Variants in POTEF observed in about 807,000 individuals in gnomAD.
POTEF encodes the protein ANKRD26-like family C member 1B.
In POTEF, 20 loss-of-function variants were observed where a neutral mutation model predicts 83.2. The observed-to-expected ratio is 0.24, with a 90% confidence interval of 0.17 to 0.35. The LOEUF is 0.35. Among genes scored for constraint, POTEF ranks in the 10% least tolerant of loss-of-function variants. The probability of loss-of-function intolerance (pLI) is 1.00; values close to 1 mark genes in which losing one functional copy is unlikely to be tolerated. For missense variants in POTEF, 550 were observed against 1,203.2 expected, an observed-to-expected ratio of 0.46 and a Z score of 8.03; for synonymous variants, 196 against 446.4, an observed-to-expected ratio of 0.44 and a Z score of 7.07.
At chr2:130,110,725 C>T (rs541365721) in intron 6 of POTEF, 45 bp from the exon 7 acceptor site, 1 of 858,336 alleles carries the variant, frequency 1.2e-6, no homozygotes, top group East Asian at 3.2e-5. Flanking sequence ...ATTTTTAAAG[C>T]TAATTTGATA....
chr2:130,115,819 A>G (rs905469224), intron 3 of POTEF, among the ~76,000 whole-genome samples: 3 of 152,138 alleles, frequency 2.0e-5, no homozygotes, highest in Non-Finnish European at 1.5e-5. Flanking sequence ...AATTATACCT[A>G]CACTTTCAGG....
At position 130,114,980 on chromosome 2, in the gene POTEF, C is replaced by T; in HGVS notation, c.711G>A (p.Glu237=). ...CGTAGTGCAGAGTGGTATTTCCATACTCATCTGGAATATTTGGATCAGTGC... is the reference window on the plus strand; with the variant it reads ...CGTAGTGCAGAGTGGTATTTCCATATTCATCTGGAATATTTGGATCAGTGC... ...EHGTDPNIPD[E]YGNTTLHYAI... The change falls in exon 5 of 17, where the codon GAG becomes GAA. Residue 237 remains glutamate, a synonymous_variant. Coordinates refer to ENST00000409914, the MANE Select transcript of POTEF (RefSeq NM_001099771.2). 6.5e-7 allele frequency: 1 copy of T among 1,529,664 alleles called. No individual in the cohort carries two copies. The allele number at this position is 1,529,664 out of a possible 1,614,324, so 94.8% of individuals were successfully genotyped here.
intron 2 of POTEF, among the ~76,000 whole-genome samples, chr2:130,124,576 A>G (rs542810536): frequency 1.2e-3 from 168 of 143,418 alleles, no homozygotes; most frequent in Non-Finnish European, 1.8e-3. Flanking sequence ...CTTCATATCC[A>G]CAATTTTCTT....
intron 11 of POTEF, among the ~76,000 whole-genome samples, chr2:130,097,091 T>A: frequency 8.6e-6 from 1 of 116,076 alleles, no homozygotes; most frequent in African/African-American, 4.0e-5. Context: ...CTTGAGGGAG[T>A]GAGGACCTGA....
chr2:130,075,281 A>G lies in POTEF; in HGVS notation c.2191T>C (p.Phe731Leu). ...FAGDDAPRAV[F>L]PSIVGRPRQQ... ...CTGGGGCGCCCCACGATGGAAGGGA[A>G]GACAGCCCGGGGGGCATCGTCGCCC... is the stretch of plus-strand genomic sequence containing the variant. The change falls in exon 17 of 17, where the codon TTC (phenylalanine) becomes CTC (leucine). Residue 731 changes from phenylalanine to leucine, a missense_variant. Phe to Leu is a conservative substitution (Grantham distance 22, BLOSUM62 0). Transcript: ENST00000409914. 1.2e-6 allele frequency: 2 copies of G among 1,612,612 alleles called. No homozygotes were observed. Among genetic ancestry groups the G allele is most frequent in the Non-Finnish European group, 1.7e-6 (2 of 1,179,850 alleles).
intron 7 of POTEF, chr2:130,109,375 A>C (rs1478236699): frequency 7.0e-6 from 1 of 143,616 alleles, no homozygotes; most frequent in Non-Finnish European, 1.5e-5. Flanking sequence ...GTGAAGTCCA[A>C]CTAACCTACT....
intron 5 of POTEF, among the ~76,000 whole-genome samples, chr2:130,113,458 T>C (rs2104819059): frequency 7.0e-6 from 1 of 143,682 alleles, no homozygotes; most frequent in East Asian, 2.0e-4. Flanking sequence ...ATTTACATAT[T>C]ACATTTATGT....
rs185166978 is a variant in POTEF, at chr2:130,118,216, A to G, written c.521+1779T>C. ...CAGCCTCCTAAAGTGCTGGGGTAAC[A>G]GGCGTAAGCCACTGTACCCGGCCTT... On this transcript the variant is annotated intron_variant, in intron 3 of 16. Transcript: ENST00000409914. Among the ~76,000 whole-genome samples the G allele has an allele frequency of 9.3e-4, 141 of 151,714 alleles. 4 individuals are homozygous for G. Among genetic ancestry groups the G allele is most frequent in the African/African-American group, 3.2e-3 (131 of 41,062 alleles).
At chr2:130,118,064 C>G (rs1300785242) in intron 3 of POTEF, among the ~76,000 whole-genome samples, 5 of 151,520 alleles carry the variant, frequency 3.3e-5, no homozygotes, top group Admixed American at 2.6e-4. Context: ...CTTCAGCCTT[C>G]TAAGTAGCTG....
At chr2:130,108,153 A>G in intron 7 of POTEF, 74 bp from the exon 8 acceptor site, 1 of 1,500,202 alleles carries the variant, frequency 6.7e-7, no homozygotes, top group Non-Finnish European at 9.0e-7. Flanking sequence ...ATGTAGAATT[A>G]TTAAGAGTAT....
intron 3 of POTEF, among the ~76,000 whole-genome samples, chr2:130,117,512 A>T (rs957555992): frequency 6.6e-6 from 1 of 152,052 alleles, no homozygotes; most frequent in Non-Finnish European, 1.5e-5. Context: ...TATATTTTCT[A>T]CATGTTTTCA....
chr2:130,122,779 CTTATA>C (rs1436716172), intron 2 of POTEF, among the ~76,000 whole-genome samples: 2 of 151,178 alleles, frequency 1.3e-5, no homozygotes, highest in Non-Finnish European at 1.5e-5. Flanking sequence ...CTTTGATTTA[CTTATA>C]TATTTGTTTT....
At chr2:130,106,172 A>C (rs1048802556) in intron 8 of POTEF, among the ~76,000 whole-genome samples, 12 of 150,984 alleles carry the variant, frequency 7.9e-5, no homozygotes, top group Non-Finnish European at 1.0e-4. Flanking sequence ...GAAAGAGGGA[A>C]AAGTGGGATC....
intron 7 of POTEF, among the ~76,000 whole-genome samples, chr2:130,109,908 C>A (rs1288261009): frequency 6.6e-6 from 1 of 151,198 alleles, no homozygotes; most frequent in African/African-American, 2.5e-5. Context: ...AGCATATAAG[C>A]ATAGGTATGG....
chr2:130,104,508 T>C (rs1684461111), intron 8 of POTEF, among the ~76,000 whole-genome samples: 1 of 150,916 alleles, frequency 6.6e-6, no homozygotes, highest in African/African-American at 2.5e-5. Context: ...AATGCCCTGC[T>C]AAAGGGATTC....
At chr2:130,107,244 G>T (rs1214748383) in intron 8 of POTEF, among the ~76,000 whole-genome samples, 1 of 149,672 alleles carries the variant, frequency 6.7e-6, no homozygotes, top group African/African-American at 2.5e-5. Flanking sequence ...TTACTGTTAT[G>T]ATGACAATTA....
chr2:130,119,590 A>G (rs1480303202), intron 3 of POTEF, among the ~76,000 whole-genome samples: 1 of 151,410 alleles, frequency 6.6e-6, no homozygotes, highest in African/African-American at 2.4e-5. Context: ...TAAAATCCAT[A>G]CTGGATTTTA....
At chr2:130,083,641 A>G (rs1683952565) in intron 15 of POTEF, among the ~76,000 whole-genome samples, 1 of 104,280 alleles carries the variant, frequency 9.6e-6, no homozygotes, top group African/African-American at 4.5e-5. Flanking sequence ...GAGTGCTGAA[A>G]TTGAAGACTT....
chr2:130,126,232 A>C (rs1042315302), intron 2 of POTEF, among the ~76,000 whole-genome samples: 1 of 136,458 alleles, frequency 7.3e-6, no homozygotes, highest in Non-Finnish European at 1.5e-5. Context: ...GAACCCAGGA[A>C]GCGGAGGTTG....
Sources: gnomAD v4.1 joint callset for allele counts (sites outside exome capture counted in the v4.1 genomes callset) on GRCh38, gnomAD v4.1.1 for gene constraint, MANE v1.5 for transcripts, NCBI Gene and HGNC (gene_info 2026-07-23, HGNC 2026-07-21) for gene names.